CDH18: variants seen among roughly 807,000 people sequenced by gnomAD.
CDH18 encodes the protein cadherin-18.
A neutral mutation model predicts 67.9 loss-of-function variants in CDH18; 31 were observed. The ratio of observed to expected loss-of-function variants is 0.46; its 90% CI spans 0.34 to 0.62. CDH18 has a LOEUF of 0.62. Ranked by LOEUF, CDH18 falls within the 20% of genes least tolerant of loss-of-function variation. The pLI is 0.01. For missense variants in CDH18, 890 were observed against 975.5 expected (o/e 0.91, Z 1.17); for synonymous variants, 362 against 347.2 (o/e 1.04, Z -0.48).
chr5:20,565,758 A>T (rs1423757336), intron 1 of CDH18, among the ~76,000 whole-genome samples: 1 of 145,108 alleles, frequency 6.9e-6, no homozygotes, highest in African/African-American at 2.6e-5. Context: ...CGTTATGATA[A>T]AAAAAAAAAA....
intron 5 of CDH18, among the ~76,000 whole-genome samples, chr5:19,720,974 A>C (rs1766018222): frequency 6.6e-6 from 1 of 152,156 alleles, no homozygotes; most frequent in Admixed American, 6.6e-5. Context: ...TACCCTCTTC[A>C]GCTAAGAATT....
intron 1 of CDH18, among the ~76,000 whole-genome samples, chr5:20,263,712 T>C (rs1744830230): frequency 3.9e-5 from 6 of 152,164 alleles, no homozygotes. Flanking sequence ...ATAAGGTAGC[T>C]TTAGGTTCCA....
At chr5:19,832,725 C>T (rs552318655) in intron 3 of CDH18, among the ~76,000 whole-genome samples, 11 of 152,100 alleles carry the variant, frequency 7.2e-5, no homozygotes, top group African/African-American at 1.4e-4. Flanking sequence ...GGAAGGGGTC[C>T]GGTTTCAGTT....
At chr5:19,931,064 G>C (rs1793638182) in intron 2 of CDH18, among the ~76,000 whole-genome samples, 1 of 151,962 alleles carries the variant, frequency 6.6e-6, no homozygotes, top group African/African-American at 2.4e-5. Context: ...TAGACAAATA[G>C]TATTAGTCAA....
At chr5:20,333,614 T>C (rs1580776178) in intron 1 of CDH18, among the ~76,000 whole-genome samples, 1 of 151,822 alleles carries the variant, frequency 6.6e-6, no homozygotes, top group African/African-American at 2.4e-5. Context: ...TTTGCCTTGT[T>C]GATATTATGA....
At chr5:19,881,431 G>C (rs573724114) in intron 2 of CDH18, among the ~76,000 whole-genome samples, 1 of 149,494 alleles carries the variant, frequency 6.7e-6, no homozygotes, top group East Asian at 2.0e-4. Context: ...CATCAGTTTT[G>C]TATCTGGTCA....
intron 1 of CDH18, among the ~76,000 whole-genome samples, chr5:20,409,028 C>T (rs907213601): frequency 6.6e-5 from 10 of 151,734 alleles, no homozygotes; most frequent in Non-Finnish European, 1.3e-4. Flanking sequence ...GAAGTTATAA[C>T]AATTATAGAT....
chr5:20,525,175 A>AG (rs1755973109), intron 1 of CDH18, among the ~76,000 whole-genome samples: 1 of 152,130 alleles, frequency 6.6e-6, no homozygotes, highest in Non-Finnish European at 1.5e-5. Context: ...TCATTCTGGA[A>AG]GGAAGCCCAG....
At chr5:20,307,788 G>A (rs1736601754) in intron 1 of CDH18, among the ~76,000 whole-genome samples, 1 of 152,070 alleles carries the variant, frequency 6.6e-6, no homozygotes, top group African/African-American at 2.4e-5. Flanking sequence ...TTCCTAATAT[G>A]TCTCTAAAAC....
At chr5:19,774,340 A>G (rs1774047508) in intron 3 of CDH18, among the ~76,000 whole-genome samples, 1 of 151,788 alleles carries the variant, frequency 6.6e-6, no homozygotes, top group East Asian at 1.9e-4. Flanking sequence ...CTTGAGCCCT[A>G]GTGGTGGAGG....
At chr5:20,011,246 G>C (rs1737412838) in intron 2 of CDH18, among the ~76,000 whole-genome samples, 1 of 152,062 alleles carries the variant, frequency 6.6e-6, no homozygotes, top group Non-Finnish European at 1.5e-5. Context: ...TTTGTGATTT[G>C]TCTCGTTTTG....
At chr5:19,741,097 C>T (rs576002606) in intron 4 of CDH18, among the ~76,000 whole-genome samples, 7 of 149,046 alleles carry the variant, frequency 4.7e-5, no homozygotes, top group East Asian at 2.0e-4. Flanking sequence ...ATAGTGTATG[C>T]GTATATATAT....
intron 1 of CDH18, among the ~76,000 whole-genome samples, chr5:20,408,098 G>T (rs528193061): frequency 1.3e-5 from 2 of 152,010 alleles, no homozygotes; most frequent in Non-Finnish European, 2.9e-5. Context: ...GGCCAAAAGG[G>T]CCTGGGATAA....
intron 11 of CDH18, among the ~76,000 whole-genome samples, chr5:19,488,764 C>CA (rs1740804960): frequency 6.6e-6 from 1 of 152,146 alleles, no homozygotes; most frequent in Non-Finnish European, 1.5e-5. Flanking sequence ...AAATTGAAAG[C>CA]AAAATGAACT....
chr5:20,326,400 ACT>A (rs1016121682), intron 1 of CDH18, among the ~76,000 whole-genome samples: 15 of 152,104 alleles, frequency 9.9e-5, no homozygotes, highest in Non-Finnish European at 1.8e-4. Flanking sequence ...ATTTTACCCA[ACT>A]CTCTAACTAC....
rs1382532741 is a variant in CDH18, at chr5:19,473,244, T to G, written c.2355A>C (p.Glu785Asp). Residue 785 changes from glutamate to aspartate, a missense_variant, in exon 13 of 13, where the codon GAA becomes GAC. Coordinates refer to ENST00000382275, the MANE Select transcript of CDH18 (RefSeq NM_004934.5). ...KKLAELYGEI[E>D]SERTT The stretch of plus-strand genomic sequence containing the variant: ...TGACCCCCTAAGTTGTTCTTTCAGA[T>G]TCTATTTCTCCATAGAGTTCAGCTA... 40 of 1,613,170 alleles carry G rather than the reference T, an allele frequency of 2.5e-5. No homozygotes were observed. Among genetic ancestry groups the G allele is most frequent in the Non-Finnish European group, 3.3e-5 (39 of 1,179,490 alleles).
intron 2 of CDH18, among the ~76,000 whole-genome samples, chr5:20,061,184 T>G (rs970716856): frequency 1.3e-5 from 2 of 152,008 alleles, no homozygotes; most frequent in Non-Finnish European, 2.9e-5. Flanking sequence ...ACAATACCAT[T>G]TCTCAGGTAG....
At chr5:20,459,201 A>C (rs961801307) in intron 1 of CDH18, among the ~76,000 whole-genome samples, 3 of 152,194 alleles carry the variant, frequency 2.0e-5, no homozygotes, top group Admixed American at 6.5e-5. Context: ...CCAGTTGGTC[A>C]AGGGATCAGC....
chr5:19,532,595 G>T (rs1340536965), intron 9 of CDH18, among the ~76,000 whole-genome samples: 3 of 152,072 alleles, frequency 2.0e-5, no homozygotes, highest in Admixed American at 1.3e-4. Context: ...TATCACTTAT[G>T]TTTTAAAAGG....
Sources: allele counts gnomAD v4.1 joint callset (sites outside exome capture counted in the v4.1 genomes callset), GRCh38; gene constraint gnomAD v4.1.1; transcripts MANE v1.5; gene names NCBI Gene and HGNC (gene_info 2026-07-23, HGNC 2026-07-21).